Variants in VXN observed in about 807,000 individuals in gnomAD.
VXN encodes vexin, also known as uncharacterized protein C8orf46.
In VXN, 7 loss-of-function variants were observed where a neutral mutation model predicts 23.1. The ratio of observed to expected loss-of-function variants is 0.30; its 90% CI spans 0.17 to 0.57. The LOEUF (loss-of-function observed/expected upper bound fraction) is 0.57. VXN is among the 20% of genes least tolerant of loss of function. The pLI, the probability that VXN is intolerant of heterozygous loss-of-function variation, is 0.91. For synonymous variants in VXN, 120 were observed against 105.8 expected, an observed-to-expected ratio of 1.13 and a Z score of -0.83; for missense variants, 238 against 272.6, an observed-to-expected ratio of 0.87 and a Z score of 0.89.
intron 4 of VXN, among the ~76,000 whole-genome samples, chr8:66,513,119 CA>C (rs1197269972): frequency 6.6e-6 from 1 of 152,170 alleles, no homozygotes; most frequent in Non-Finnish European, 1.5e-5. Context: ...GTAGCCTAAT[CA>C]AAGCAAGAAT....
chr8:66,511,161 G>T (rs146534065), intron 4 of VXN, among the ~76,000 whole-genome samples: 1 of 152,140 alleles, frequency 6.6e-6, no homozygotes, highest in Non-Finnish European at 1.5e-5. Flanking sequence ...AAGGGGATGG[G>T]GTGGCACATT....
At chr8:66,511,105 C>CA (rs1242227639) in intron 4 of VXN, among the ~76,000 whole-genome samples, 3 of 152,326 alleles carry the variant, frequency 2.0e-5, no homozygotes, top group Admixed American at 6.5e-5. Flanking sequence ...TTCTGCTACC[C>CA]ACCCTGCTGT....
intron 2 of VXN, among the ~76,000 whole-genome samples, chr8:66,498,162 C>T (rs373172207): frequency 3.2e-4 from 44 of 139,526 alleles, no homozygotes; most frequent in African/African-American, 9.9e-4. Flanking sequence ...AACAAGACTC[C>T]GTCTCAAAAA....
At chr8:66,507,824 C>T (rs1432941949) in intron 3 of VXN, among the ~76,000 whole-genome samples, 1 of 152,124 alleles carries the variant, frequency 6.6e-6, no homozygotes, top group Non-Finnish European at 1.5e-5. Flanking sequence ...GAGTCAAAGC[C>T]AGACCATCCT....
At chr8:66,505,324 C>T in intron 2 of VXN, 51 bp from the exon 3 acceptor site, 1 of 1,557,498 alleles carries the variant, frequency 6.4e-7, no homozygotes, top group Non-Finnish European at 8.7e-7. Context: ...TTCCATGGGT[C>T]CCTAGGCCCG....
In VXN at chr8:66,505,385, A is replaced by G; in HGVS notation, c.137A>G (p.Glu46Gly). The change falls in exon 3 of 6, where the codon GAG (glutamate) becomes GGG (glycine). Residue 46 changes from glutamate to glycine, a missense_variant. Transcript: ENST00000305454. ...QHLLTKNVVIESDLYTHQPLE... is the reference protein window; with the variant it reads ...QHLLTKNVVIGSDLYTHQPLE... ...TCCCCCGCCCGGCAGGTGGTGATCG[A>G]GTCGGACCTGTACACGCACCAGCCC... 2 of 1,581,222 alleles carry G rather than the reference A, an allele frequency of 1.3e-6. No homozygotes were observed. The highest frequency in any genetic ancestry group is 2.3e-5 in the East Asian group (1 of 43,618).
At chr8:66,513,463 C>T (rs749651037) in intron 4 of VXN, 77 bp from the exon 5 acceptor site, 92 of 1,224,356 alleles carry the variant, frequency 7.5e-5, no homozygotes, top group Non-Finnish European at 1.1e-4. Flanking sequence ...AGTCCCCCCA[C>T]TTGCAGACAG....
chr8:66,508,398 T>TGC (rs1325037477), intron 3 of VXN, among the ~76,000 whole-genome samples: 6 of 152,150 alleles, frequency 3.9e-5, no homozygotes, highest in African/African-American at 1.4e-4. Flanking sequence ...TCTGCCCCTG[T>TGC]GCTCCCTCAG....
chr8:66,497,665 A>G (rs1418493732), intron 2 of VXN, among the ~76,000 whole-genome samples: 2 of 152,210 alleles, frequency 1.3e-5, no homozygotes, highest in African/African-American at 2.4e-5. Context: ...TATTTCTATG[A>G]CAATTTTTCA....
At position 66,516,847 on chromosome 8, in the gene VXN, G is replaced by A. The variant is rs1432443982; in HGVS notation, c.*771G>A. 6.6e-6 allele frequency: 1 copy of A among 152,194 alleles called. No homozygotes were observed. 9.4% of individuals were successfully genotyped at this position (152,194 alleles called of 1,614,324 possible). A position where few individuals can be genotyped will look rare whatever the true frequency, so the allele number is the denominator to read the frequency against. On this transcript the variant is annotated 3_prime_UTR_variant, in exon 6 of 6. Coordinates refer to ENST00000305454, the MANE Select transcript of VXN (RefSeq NM_152765.4). The stretch of plus-strand genomic sequence containing the variant: ...AGCACAATTATTCCCAATCTGCAGA[G>A]GGGGAAATGGAGGCCTTCAGAGATT...
intron 2 of VXN, among the ~76,000 whole-genome samples, chr8:66,502,795 C>T (rs539621644): frequency 1.3e-5 from 2 of 150,890 alleles, no homozygotes; most frequent in Middle Eastern, 6.9e-3. Context: ...ATGCACAGAG[C>T]AACCAATTGC....
At chr8:66,505,333 C>T in intron 2 of VXN, 42 bp from the exon 3 acceptor site, 1 of 1,562,224 alleles carries the variant, frequency 6.4e-7, no homozygotes, top group African/African-American at 1.3e-5. Flanking sequence ...TCCCTAGGCC[C>T]GAGCAGAGGA....
Position 66,493,634 on chromosome 8 carries a change from G to C in VXN, c.-15G>C. ...GGCCTCCAGTTCCCAGGCACTTCGG[G>C]AAGAGGAGGCTGAAATGATGCATCA... On this transcript the variant is annotated 5_prime_UTR_variant, in exon 1 of 6. Coordinates refer to ENST00000305454, the MANE Select transcript of VXN (RefSeq NM_152765.4). The C allele has an allele frequency of 6.2e-7, 1 of 1,612,878 alleles. No individual in the cohort carries two copies. Among genetic ancestry groups the C allele is most frequent in the Non-Finnish European group, 8.5e-7 (1 of 1,179,542 alleles).
At chr8:66,500,440 A>G (rs2130544674) in intron 2 of VXN, among the ~76,000 whole-genome samples, 1 of 152,294 alleles carries the variant, frequency 6.6e-6, no homozygotes, top group East Asian at 1.9e-4. Context: ...GTGATTCTTC[A>G]TCTTTTCATA....
chr8:66,506,207 CAGAG>C (rs150065293), intron 3 of VXN, among the ~76,000 whole-genome samples: 3,734 of 140,092 alleles, frequency 0.027, 56 homozygotes, highest in Admixed American at 0.034. Context: ...ATTTATTTAA[CAGAG>C]AGAGAGAGAG....
At chr8:66,507,725 GA>G (rs747992046) in intron 3 of VXN, among the ~76,000 whole-genome samples, 2 of 148,984 alleles carry the variant, frequency 1.3e-5, no homozygotes, top group Non-Finnish European at 3.0e-5. Flanking sequence ...AAGAGAGAGA[GA>G]GAGAGACTGA....
At chr8:66,511,644 T>C (rs1324491769) in intron 4 of VXN, among the ~76,000 whole-genome samples, 2 of 152,192 alleles carry the variant, frequency 1.3e-5, no homozygotes, top group African/African-American at 4.8e-5. Context: ...TTTGACTGCC[T>C]GGCCCCAGCC....
chr8:66,513,622 C>T lies in VXN; in HGVS notation c.425C>T (p.Ala142Val). 1 of 1,614,114 alleles carries T rather than the reference C, an allele frequency of 6.2e-7. No homozygotes were observed. Among genetic ancestry groups the T allele is most frequent in the Non-Finnish European group, 8.5e-7 (1 of 1,179,964 alleles). The change falls in exon 5 of 6, where the codon GCT (alanine) becomes GTT (valine). Residue 142 changes from alanine to valine, a missense_variant. Ala to Val is a moderately conservative substitution (Grantham distance 64, BLOSUM62 0). Transcript: ENST00000305454. ...ACAGCCATGGGCACAGAGAAGGGAG[C>T]TGTTCTGATGAGAGGGTAAGTGCTG... ...EATAMGTEKG[A>V]VLMRGSRHLK... is the part of the protein sequence containing the mutation.
At chr8:66,503,314 C>G (rs1807711789) in intron 2 of VXN, 1 of 152,194 alleles carries the variant, frequency 6.6e-6, no homozygotes, top group South Asian at 2.1e-4. Context: ...TAGAATTGGG[C>G]TAGAACATTT....
Sources: allele counts gnomAD v4.1 joint callset (sites outside exome capture counted in the v4.1 genomes callset), GRCh38; gene constraint gnomAD v4.1.1; transcripts MANE v1.5; gene names NCBI Gene and HGNC (gene_info 2026-07-23, HGNC 2026-07-21).